PCSK5: variants seen among roughly 807,000 people sequenced by gnomAD.
The protein encoded by PCSK5 is proprotein convertase subtilisin/kexin type 5, also known as prohormone convertase 5.
In PCSK5, 129 loss-of-function variants were observed where a neutral mutation model predicts 233.2. That is an observed-to-expected ratio of 0.55 (90% CI 0.48 to 0.64). The LOEUF is 0.64. PCSK5 is among the 30% of genes least tolerant of loss of function. The pLI, the probability that PCSK5 is intolerant of heterozygous loss-of-function variation, is 0.00. For missense variants in PCSK5, 2,076 were observed against 2,430.1 expected, an observed-to-expected ratio of 0.85 and a Z score of 3.06; for synonymous variants, 825 against 879.2, an observed-to-expected ratio of 0.94 and a Z score of 1.09.
rs1486274787 is a variant in PCSK5 at position 76,308,717 on chromosome 9, C to G, written c.3677C>G (p.Ser1226Ter). The G allele has an allele frequency of 4.4e-6, 7 of 1,606,482 alleles. No individual in the cohort carries two copies. The highest frequency in any genetic ancestry group is 6.0e-6 in the Non-Finnish European group (7 of 1,174,312). Residue 1226 changes from serine to a stop codon, truncating the protein, a stop_gained, in exon 29 of 38, where the codon TCA becomes TGA. Coordinates refer to ENST00000674117, the MANE Select transcript of PCSK5 (RefSeq NM_001372043.1). LOFTEE classifies it high-confidence loss of function. ...AATGGATCTGCAACTCTGTGCACTT[C>G]ATGTCCCAAAGGTTAGTGTGTTGCG... Reference protein sequence around the residue: ...TCNGSATLCTSCPKGAYLLAQ... With the variant: ...TCNGSATLCT
intron 10 of PCSK5, among the ~76,000 whole-genome samples, chr9:76,155,369 T>C (rs558737202): frequency 6.6e-6 from 1 of 152,366 alleles, no homozygotes; most frequent in African/African-American, 2.4e-5. Context: ...TTTTTCAACC[T>C]AGCACAGTGT....
chr9:76,054,719 TCTTTA>T (rs1228076532), intron 5 of PCSK5, among the ~76,000 whole-genome samples: 19 of 152,184 alleles, frequency 1.2e-4, no homozygotes, highest in Admixed American at 6.5e-5. Flanking sequence ...AGTACAGAGT[TCTTTA>T]CTTAGTTTCC....
chr9:76,295,254 A>T (rs1414620034), intron 25 of PCSK5, 21 bp from the exon 26 acceptor site: 3 of 1,599,900 alleles, frequency 1.9e-6, no homozygotes, highest in Non-Finnish European at 2.6e-6. Context: ...TCATGAAAGA[A>T]ATGATGTCTT....
intron 7 of PCSK5, among the ~76,000 whole-genome samples, chr9:76,091,431 T>C (rs1831284827): frequency 6.6e-6 from 1 of 152,152 alleles, no homozygotes; most frequent in African/African-American, 2.4e-5. Flanking sequence ...TCATTTAAGC[T>C]TAATTGCCTC....
In PCSK5 at chr9:76,149,407, A is replaced by G. The variant is rs566637420; in HGVS notation, c.1313-7638A>G. 6.6e-5 allele frequency among the ~76,000 whole-genome samples: 10 copies of G among 152,362 alleles called. No individual in the cohort carries two copies. The South Asian group carries it at 1.4e-3, about 22-fold the overall frequency. On this transcript the variant is annotated intron_variant, in intron 10 of 37. Coordinates refer to ENST00000674117, the MANE Select transcript of PCSK5 (RefSeq NM_001372043.1). ...AGGCACTCACTTGAAATAAATGTCA[A>G]CTAAATTCTCTATTCCCTTATCTTA...
chr9:76,178,912 C>T (rs1350702966), intron 14 of PCSK5, among the ~76,000 whole-genome samples: 2 of 152,068 alleles, frequency 1.3e-5, no homozygotes, highest in Non-Finnish European at 2.9e-5. Context: ...AGTTCTATAC[C>T]AAAGAATATG....
In PCSK5 at chr9:75,978,869, C is replaced by CTTTTTTTTTT. The variant is rs5898441; in HGVS notation, c.298-7262_298-7253dup. 1.6e-4 allele frequency among the ~76,000 whole-genome samples: 21 copies of CTTTTTTTTTT among 128,034 alleles called. 3 individuals carry two copies. The highest frequency in any genetic ancestry group is 2.3e-4 in the Non-Finnish European group (14 of 61,002). 84.0% of individuals were successfully genotyped at this position (128,034 alleles called of 152,430 possible). A position where few individuals can be genotyped will look rare whatever the true frequency, so the allele number is the denominator to read the frequency against. ...TTTTAGGCTTTGTTTGAATGTTTCC[C>CTTTTTTTTTT]TTTTTTTTTTCTTTTTTTCTGAGAT... On this transcript the variant is annotated intron_variant, in intron 2 of 37. Transcript: ENST00000674117.
In PCSK5 at chr9:76,362,332, C is replaced by T. The variant is rs1254786492; in HGVS notation, c.*3410C>T. ...TTTAAAATTGGAAATAAAATTAAAT[C>T]AAGACCAGATAATGCTATGGAGACT... is the stretch of plus-strand genomic sequence containing the variant. On this transcript the variant is annotated 3_prime_UTR_variant, in exon 38 of 38. Coordinates refer to ENST00000674117, the MANE Select transcript of PCSK5 (RefSeq NM_001372043.1). 2 of 152,160 alleles carry T rather than the reference C, an allele frequency of 1.3e-5. No individual in the cohort carries two copies. Among genetic ancestry groups the T allele is most frequent in the African/African-American group, 4.8e-5 (2 of 41,446 alleles). The allele number at this position is 152,160 out of a possible 1,614,324, so 9.4% of individuals were successfully genotyped here. A position where few individuals can be genotyped will look rare whatever the true frequency, so the allele number is the denominator to read the frequency against.
chr9:76,194,597 T>G, intron 20 of PCSK5: 1 of 327,772 alleles, frequency 3.1e-6, no homozygotes. Context: ...TGATCTGTTT[T>G]TTGGGGTTTT....
At chr9:75,891,866 C>T (rs1004244511) in intron 1 of PCSK5, among the ~76,000 whole-genome samples, 4 of 151,626 alleles carry the variant, frequency 2.6e-5, no homozygotes, top group African/African-American at 9.7e-5. Context: ...TCCTCTTGGG[C>T]GAGAGAACCT....
intron 24 of PCSK5, among the ~76,000 whole-genome samples, chr9:76,243,273 C>T (rs1221279603): frequency 6.6e-6 from 1 of 152,304 alleles, no homozygotes; most frequent in East Asian, 1.9e-4. Context: ...GCTGAGTGCT[C>T]GCCTTGATGG....
At chr9:76,281,316 T>TGCAGCTGGTGA (rs1827855579) in intron 24 of PCSK5, among the ~76,000 whole-genome samples, 1 of 152,246 alleles carries the variant, frequency 6.6e-6, no homozygotes, top group South Asian at 2.1e-4. Context: ...TAGGGACTAA[T>TGCAGCTGGTGA]GCAGCTGGTG....
intron 20 of PCSK5, among the ~76,000 whole-genome samples, chr9:76,210,036 G>T (rs1376378692): frequency 6.6e-6 from 1 of 152,106 alleles, no homozygotes; most frequent in African/African-American, 2.4e-5. Context: ...TTGGGGGACT[G>T]GAAGTCTCTT....
At chr9:75,938,397 G>A (rs2131295902) in intron 2 of PCSK5, among the ~76,000 whole-genome samples, 1 of 152,268 alleles carries the variant, frequency 6.6e-6, no homozygotes. Context: ...GAGGTTTGTG[G>A]CACCCTAAAA....
intron 3 of PCSK5, among the ~76,000 whole-genome samples, chr9:76,002,000 A>T (rs1827282760): frequency 6.6e-6 from 1 of 152,230 alleles, no homozygotes; most frequent in African/African-American, 2.4e-5. Context: ...GCATTAATTT[A>T]ATGTGTAACA....
chr9:76,067,796 A>G (rs1378328489), intron 5 of PCSK5, among the ~76,000 whole-genome samples, 159 bp from the exon 6 acceptor site: 4 of 152,240 alleles, frequency 2.6e-5, no homozygotes, highest in Non-Finnish European at 4.4e-5. Flanking sequence ...ATTAAGTGCT[A>G]GAAGTTTGCC....
intron 3 of PCSK5, among the ~76,000 whole-genome samples, chr9:75,989,927 C>T (rs1358151143): frequency 1.3e-5 from 2 of 151,970 alleles, no homozygotes; most frequent in African/African-American, 2.4e-5. Context: ...TCTTGGAGGC[C>T]GGCTACCACA....
At chr9:76,335,641 C>A (rs1268523836) in intron 34 of PCSK5, among the ~76,000 whole-genome samples, 1 of 152,170 alleles carries the variant, frequency 6.6e-6, no homozygotes, top group Non-Finnish European at 1.5e-5. Flanking sequence ...ATAAACTCTT[C>A]ATTGTCTCTT....
intron 20 of PCSK5, chr9:76,205,159 T>C (rs1398997248): frequency 1.9e-6 from 1 of 518,942 alleles, no homozygotes; most frequent in East Asian, 5.5e-5. Context: ...CCCACCAAAA[T>C]ATATAAACCT....
Sources: gnomAD v4.1 joint callset for allele counts (sites outside exome capture counted in the v4.1 genomes callset) on GRCh38, gnomAD v4.1.1 for gene constraint, MANE v1.5 for transcripts, NCBI Gene and HGNC (gene_info 2026-07-23, HGNC 2026-07-21) for gene names.